The following PRDM16 variants were observed in gnomAD, a reference collection of about 807,000 sequenced individuals.
The protein encoded by PRDM16 is histone-lysine N-methyltransferase PRDM16.
Under a neutral mutation model 110.6 loss-of-function variants are expected in PRDM16, and 23 were observed. The observed-to-expected ratio is 0.21, with a 90% CI of 0.15 to 0.29. PRDM16 has a LOEUF of 0.29. Among genes scored for constraint, PRDM16 ranks in the 10% least tolerant of loss-of-function variants. The pLI is 1.00. For synonymous variants in PRDM16, 799 were observed against 781.8 expected, an observed-to-expected ratio of 1.02 and a Z score of -0.37; for missense variants, 1,615 against 1,794.3, an observed-to-expected ratio of 0.90 and a Z score of 1.81.
rs989869236 is a variant in PRDM16, at chr1:3,206,820, C to T, written c.387+20346C>T. On this transcript the variant is annotated intron_variant, in intron 2 of 16. Transcript: ENST00000270722. The surrounding 1 kb of genome is among the most constrained non-coding windows in gnomAD (Gnocchi z 4.9). ...GCTGGCCCAAGGCTGGTCAAGAATCCGAGTTTTCTGCAGAGGGAGACACAG... is the reference window on the plus strand; with the variant it reads ...GCTGGCCCAAGGCTGGTCAAGAATCTGAGTTTTCTGCAGAGGGAGACACAG... 9.2e-5 allele frequency: 14 copies of T among 152,260 alleles called. No individual in the cohort carries two copies. The highest frequency in any genetic ancestry group is 3.1e-4 in the African/African-American group (13 of 41,450). 9.4% of individuals were successfully genotyped at this position (152,260 alleles called of 1,614,324 possible). A position where few individuals can be genotyped will look rare whatever the true frequency, so the allele number is the denominator to read the frequency against.
chr1:3,410,848 G>A lies in PRDM16; in HGVS notation c.1187-536G>A, dbSNP rs1013006904. Among the ~76,000 whole-genome samples, 16 of 152,136 alleles carry A rather than the reference G, an allele frequency of 1.1e-4. No individual in the cohort carries two copies. In the South Asian group the frequency reaches 1.5e-3, roughly 14 times the overall value. ...CATGCATTCGCTTTCCCCGTGCCCC[G>A]CCCTGGAGAGCAGGTTCACCTTCCC... On this transcript the variant is annotated intron_variant, in intron 8 of 16. Coordinates refer to ENST00000270722, the MANE Select transcript of PRDM16 (RefSeq NM_022114.4).
intron 4 of PRDM16, among the ~76,000 whole-genome samples, chr1:3,392,590 C>T (rs938996019): frequency 3.3e-5 from 5 of 152,126 alleles, no homozygotes; most frequent in South Asian, 4.1e-4. Flanking sequence ...GCTTCATATT[C>T]GAAAGTCGTC....
At chr1:3,400,876 A>T (rs1472809824) in intron 5 of PRDM16, among the ~76,000 whole-genome samples, 1 of 152,144 alleles carries the variant, frequency 6.6e-6, no homozygotes, top group Non-Finnish European at 1.5e-5. Flanking sequence ...CCTCTCGGCC[A>T]GACACCCCTT....
chr1:3,197,428 G>A (rs1017316425), intron 2 of PRDM16, among the ~76,000 whole-genome samples: 2 of 152,208 alleles, frequency 1.3e-5, no homozygotes, highest in African/African-American at 4.8e-5. Context: ...TGGCATCCTA[G>A]AGGAGCGTGC....
chr1:3,100,114 G>A (rs1205232658), intron 1 of PRDM16, among the ~76,000 whole-genome samples: 1 of 152,122 alleles, frequency 6.6e-6, no homozygotes, highest in Non-Finnish European at 1.5e-5. Context: ...CCGTCCCCTG[G>A]CATCTGTGGG....
In PRDM16 at chr1:3,148,730, G is replaced by T. The variant is rs976177266; in HGVS notation, c.38-37395G>T. On this transcript the variant is annotated intron_variant, in intron 1 of 16. Coordinates refer to ENST00000270722, the MANE Select transcript of PRDM16 (RefSeq NM_022114.4). The surrounding 1 kb of genome is among the most constrained non-coding windows in gnomAD (Gnocchi z 5.0). ...CCAAAGCCAAAGGGTGGTGAATCTG[G>T]GCACTGCCTGGGACCATGGGGGGAC... 6.6e-6 allele frequency among the ~76,000 whole-genome samples: 1 copy of T among 152,324 alleles called. No individual in the cohort carries two copies. Among genetic ancestry groups the T allele is most frequent in the Non-Finnish European group, 1.5e-5 (1 of 68,028 alleles).
intron 3 of PRDM16, among the ~76,000 whole-genome samples, chr1:3,253,100 G>A (rs538299935): frequency 2.6e-5 from 4 of 152,176 alleles, no homozygotes; most frequent in Middle Eastern, 3.4e-3. Flanking sequence ...CAGCCTCCAC[G>A]ATTCTCCTGC....
intron 3 of PRDM16, among the ~76,000 whole-genome samples, chr1:3,377,529 G>C (rs1357255401): frequency 6.6e-6 from 1 of 152,212 alleles, no homozygotes; most frequent in East Asian, 1.9e-4. Flanking sequence ...CAGCATTTCT[G>C]ATGGGGTTGA....
chr1:3,318,302 A>G (rs966543466), intron 3 of PRDM16, among the ~76,000 whole-genome samples: 2 of 152,178 alleles, frequency 1.3e-5, no homozygotes, highest in African/African-American at 2.4e-5. Context: ...CCAACTTGTG[A>G]CGATTCTTGA....
intron 3 of PRDM16, among the ~76,000 whole-genome samples, chr1:3,259,861 G>T (rs1402548301): frequency 6.6e-6 from 1 of 152,012 alleles, no homozygotes; most frequent in Non-Finnish European, 1.5e-5. Context: ...TCCCTCCCTC[G>T]TTAGTGCAGC....
chr1:3,424,171 G>A (rs1014517856), intron 12 of PRDM16, among the ~76,000 whole-genome samples: 2 of 152,210 alleles, frequency 1.3e-5, no homozygotes, highest in African/African-American at 4.8e-5. Flanking sequence ...CATCTACAGA[G>A]CTCATGGGGT....
intron 1 of PRDM16, among the ~76,000 whole-genome samples, chr1:3,173,381 C>T (rs866566526): frequency 1.3e-5 from 2 of 152,224 alleles, no homozygotes; most frequent in Non-Finnish European, 2.9e-5. Context: ...ATACAGGATG[C>T]GGGCTCTGAA....
At chr1:3,412,902 T>C (rs1242968211) in intron 9 of PRDM16, 102 bp downstream of exon 9, 4 of 1,014,172 alleles carry the variant, frequency 3.9e-6, no homozygotes, top group Non-Finnish European at 5.4e-6. Context: ...TCCTCCAAGG[T>C]CGTCCCCCGG....
chr1:3,234,232 T>C (rs531696111), intron 2 of PRDM16, among the ~76,000 whole-genome samples: 26 of 152,312 alleles, frequency 1.7e-4, no homozygotes, highest in South Asian at 6.2e-4. Flanking sequence ...GCTTTGATGC[T>C]TCCTCTCCAG....
In PRDM16 at chr1:3,372,744, G is replaced by A. The variant is rs1642927139; in HGVS notation, c.439-12408G>A. On this transcript the variant is annotated intron_variant, in intron 3 of 16. Transcript: ENST00000270722. Reference sequence around the variant, plus strand: ...TCAGGTTTGAACAACTGTTAGAGCTGTTAATGTTTGAACTATGGCAGCCTG... The same window carrying A: ...TCAGGTTTGAACAACTGTTAGAGCTATTAATGTTTGAACTATGGCAGCCTG... 2.0e-5 allele frequency among the ~76,000 whole-genome samples: 3 copies of A among 152,250 alleles called. No individual in the cohort carries two copies. The South Asian group carries it at 6.2e-4, about 32-fold the overall frequency.
At chr1:3,386,611 A>C (rs1557646092) in intron 4 of PRDM16, 1 of 152,204 alleles carries the variant, frequency 6.6e-6, no homozygotes, top group Non-Finnish European at 1.5e-5. Context: ...AAATACAGAG[A>C]TGAAGCAAAA....
intron 3 of PRDM16, among the ~76,000 whole-genome samples, chr1:3,256,197 C>T (rs922196885): frequency 6.6e-6 from 1 of 152,192 alleles, no homozygotes; most frequent in Non-Finnish European, 1.5e-5. Flanking sequence ...ATGCTCCATG[C>T]CTCCAACTCC....
chr1:3,350,682 G>T lies in PRDM16; in HGVS notation c.439-34470G>T, dbSNP rs1022299038. Among the ~76,000 whole-genome samples, 2 of 152,268 alleles carry T rather than the reference G, an allele frequency of 1.3e-5. No homozygotes were observed. Among genetic ancestry groups the T allele is most frequent in the Admixed American group, 1.3e-4 (2 of 15,302 alleles). On this transcript the variant is annotated intron_variant, in intron 3 of 16. Coordinates refer to ENST00000270722, the MANE Select transcript of PRDM16 (RefSeq NM_022114.4). This position sits in a 1 kb window ranked among gnomAD's most constrained non-coding sequence, Gnocchi z 7.1. ...GCCCTGGGAGCACCCAGAAGGCAGGGCTTTGGCACCATGCAGCCTCCCAGA... is the reference window on the plus strand; with the variant it reads ...GCCCTGGGAGCACCCAGAAGGCAGGTCTTTGGCACCATGCAGCCTCCCAGA...
At position 3,069,449 on chromosome 1, in the gene PRDM16, C is replaced by T. The variant is rs1215405164; in HGVS notation, c.37+153C>T. Among the ~76,000 whole-genome samples the T allele has an allele frequency of 7.0e-6, 1 of 143,732 alleles. No homozygotes were observed. Among genetic ancestry groups the T allele is most frequent in the Admixed American group, 6.8e-5 (1 of 14,648 alleles). The allele number at this position is 143,732 out of a possible 152,430, so 94.3% of individuals were successfully genotyped here. ...CGCGGCCCGGGGGGCTGCTCCGCCT[C>T]CCGCGCTCCGGGGCGACCGGGCTCG... is the stretch of plus-strand genomic sequence containing the variant. On this transcript the variant is annotated intron_variant, in intron 1 of 16. Coordinates refer to ENST00000270722, the MANE Select transcript of PRDM16 (RefSeq NM_022114.4). The surrounding 1 kb of genome is among the most constrained non-coding windows in gnomAD (Gnocchi z 6.1).
Sources: allele counts gnomAD v4.1 joint callset (sites outside exome capture counted in the v4.1 genomes callset), GRCh38; gene constraint gnomAD v4.1.1; non-coding constraint Gnocchi (gnomAD v3.1); transcripts MANE v1.5; gene names NCBI Gene and HGNC (gene_info 2026-07-23, HGNC 2026-07-21).